ATF2: variants seen among roughly 807,000 people sequenced by gnomAD.
ATF2 encodes the protein cyclic AMP-dependent transcription factor ATF-2.
A neutral mutation model predicts 60.6 loss-of-function variants in ATF2; 24 were observed. The ratio of observed to expected loss-of-function variants is 0.40; its 90% CI spans 0.29 to 0.56. ATF2 has a LOEUF of 0.56. Ranked by LOEUF, ATF2 falls within the 20% of genes least tolerant of loss-of-function variation. The pLI is 0.54. For synonymous variants in ATF2, 206 were observed against 215.4 expected (o/e 0.96, Z 0.38); for missense variants, 433 against 607.7 (o/e 0.71, Z 3.02).
chr2:175,166,816 C>T (rs1700377102), intron 1 of ATF2, among the ~76,000 whole-genome samples: 1 of 152,150 alleles, frequency 6.6e-6, no homozygotes, highest in African/African-American at 2.4e-5. Context: ...AAATGTATAT[C>T]TTAAATGCAT....
At chr2:175,167,748 G>A (rs1396596334) in intron 1 of ATF2, 2 of 473,460 alleles carry the variant, frequency 4.2e-6, no homozygotes, top group East Asian at 6.9e-5. Flanking sequence ...CTAAGAGGGA[G>A]CCGTTATTCC....
intron 2 of ATF2, among the ~76,000 whole-genome samples, chr2:175,140,400 T>G (rs1316353788): frequency 6.6e-6 from 1 of 152,200 alleles, no homozygotes; most frequent in Admixed American, 6.5e-5. Context: ...GAAATTATAT[T>G]GTATGATTCC....
intron 5 of ATF2, among the ~76,000 whole-genome samples, chr2:175,119,916 T>C (rs1175258789): frequency 3.3e-5 from 5 of 151,814 alleles, no homozygotes; most frequent in East Asian, 1.9e-4. Context: ...AAAGTCAACA[T>C]AGGCACAATC....
At chr2:175,157,178 TCTC>T (rs1017796402) in intron 1 of ATF2, among the ~76,000 whole-genome samples, 1 of 152,242 alleles carries the variant, frequency 6.6e-6, no homozygotes, top group African/African-American at 2.4e-5. Flanking sequence ...GTAAAACTAT[TCTC>T]ATTATTTTGT....
At chr2:175,107,013 T>C (rs552109918) in intron 10 of ATF2, among the ~76,000 whole-genome samples, 1 of 151,940 alleles carries the variant, frequency 6.6e-6, no homozygotes, top group South Asian at 2.1e-4. Context: ...TAGTCCCAGC[T>C]ACTTGAGGGG....
chr2:175,092,130 T>C (rs1204817060), intron 12 of ATF2, among the ~76,000 whole-genome samples: 1 of 152,226 alleles, frequency 6.6e-6, no homozygotes, highest in African/African-American at 2.4e-5. Context: ...TTTGGTTAAA[T>C]GCTATGTCTG....
chr2:175,107,848 C>T (rs1018630679), intron 10 of ATF2, among the ~76,000 whole-genome samples: 2 of 152,218 alleles, frequency 1.3e-5, no homozygotes, highest in Non-Finnish European at 2.9e-5. Flanking sequence ...GGATTGCAGA[C>T]GGAGTCTCGT....
chr2:175,138,315 A>G (rs914612570), intron 2 of ATF2, among the ~76,000 whole-genome samples: 4 of 152,326 alleles, frequency 2.6e-5, no homozygotes, highest in African/African-American at 9.6e-5. Flanking sequence ...GCAAATCAAG[A>G]TAGATACCTG....
rs1308515739 is a variant in ATF2 at position 175,108,183 on chromosome 2, C to A, written c.828+3385G>T. On this transcript the variant is annotated intron_variant, in intron 10 of 13. Coordinates refer to ENST00000264110, the MANE Select transcript of ATF2 (RefSeq NM_001880.4). ...GGGGAGCGCCTCTGCCCGGCCGCGA[C>A]CCCGTCTGGGATGTGAGGAGCCCCG... 4.6e-5 allele frequency among the ~76,000 whole-genome samples: 7 copies of A among 151,482 alleles called. No individual in the cohort carries two copies. In the South Asian group the frequency reaches 1.3e-3, roughly 27 times the overall value.
In ATF2 at chr2:175,139,093, G is replaced by A. The variant is rs184638260; in HGVS notation, c.-43-2607C>T. On this transcript the variant is annotated intron_variant, in intron 2 of 13. Transcript: ENST00000264110. ...ATGTAAAGTATATAGCACAATGCTC[G>A]GCACATGAGTACTGGATAAAATGGC... Among the ~76,000 whole-genome samples the A allele has an allele frequency of 2.1e-3, 319 of 152,176 alleles. 1 individual carries two copies. The highest frequency in any genetic ancestry group is 7.1e-3 in the African/African-American group (295 of 41,508).
chr2:175,134,807 G>T (rs936644872), intron 3 of ATF2, among the ~76,000 whole-genome samples: 2 of 151,592 alleles, frequency 1.3e-5, no homozygotes, highest in Non-Finnish European at 2.9e-5. Context: ...AAGACGGCGT[G>T]ACCCCATCTC....
At chr2:175,092,701 T>C in intron 12 of ATF2, 2 of 381,436 alleles carry the variant, frequency 5.2e-6, no homozygotes, top group Admixed American at 3.8e-5. Flanking sequence ...AAGAAACTTA[T>C]AGTTGTGCTA....
intron 4 of ATF2, among the ~76,000 whole-genome samples, chr2:175,122,711 T>G (rs1352529819): frequency 6.6e-6 from 1 of 152,014 alleles, no homozygotes; most frequent in East Asian, 1.9e-4. Flanking sequence ...CTATCATATT[T>G]TCATATGTCT....
intron 8 of ATF2, 59 bp from the exon 9 acceptor site, chr2:175,114,167 A>G: frequency 6.6e-7 from 1 of 1,516,380 alleles, no homozygotes; most frequent in South Asian, 1.2e-5. Flanking sequence ...CTGTCTCTTA[A>G]AAATACAATA....
chr2:175,142,685 A>AAG (rs371270320), intron 2 of ATF2, among the ~76,000 whole-genome samples: 335 of 126,416 alleles, frequency 2.6e-3, no homozygotes, highest in African/African-American at 6.1e-3. Flanking sequence ...ACGCTGCCGA[A>AAG]AGAGAGAGAG....
chr2:175,137,690 C>A (rs1480891823), intron 2 of ATF2, among the ~76,000 whole-genome samples: 2 of 152,096 alleles, frequency 1.3e-5, no homozygotes, highest in Non-Finnish European at 2.9e-5. Flanking sequence ...GAAAAACTTT[C>A]AGAGGGAGTT....
intron 11 of ATF2, among the ~76,000 whole-genome samples, chr2:175,095,546 T>G (rs1216546956): frequency 1.3e-5 from 2 of 152,192 alleles, no homozygotes; most frequent in Non-Finnish European, 2.9e-5. Context: ...CTACTCAGAG[T>G]TACATTTGTA....
At chr2:175,152,896 T>A (rs193075075) in intron 1 of ATF2, among the ~76,000 whole-genome samples, 1 of 152,344 alleles carries the variant, frequency 6.6e-6, no homozygotes, top group Admixed American at 6.5e-5. Flanking sequence ...CACATCTTCT[T>A]GATAGAGATA....
chr2:175,160,877 A>G (rs1296863410), intron 1 of ATF2, among the ~76,000 whole-genome samples: 2 of 152,048 alleles, frequency 1.3e-5, no homozygotes, highest in Non-Finnish European at 2.9e-5. Flanking sequence ...CATCTCTACA[A>G]AAATTTAAAA....
Sources: gnomAD v4.1 joint callset for allele counts (sites outside exome capture counted in the v4.1 genomes callset) on GRCh38, gnomAD v4.1.1 for gene constraint, MANE v1.5 for transcripts, NCBI Gene and HGNC (gene_info 2026-07-23, HGNC 2026-07-21) for gene names.